C6: variants seen among roughly 807,000 people sequenced by gnomAD.
C6 encodes complement C6, also known as complement component C6.
A neutral mutation model predicts 112.9 loss-of-function variants in C6; 101 were observed. The observed-to-expected ratio is 0.89, with a 90% CI of 0.76 to 1.06. The LOEUF is 1.06. Among genes scored for constraint, C6 ranks in the 50% least tolerant of loss-of-function variants. The pLI is 0.00. For missense variants in C6, 1,202 were observed against 1,104.6 expected (o/e 1.09, Z -1.25); for synonymous variants, 431 against 384.1 (o/e 1.12, Z -1.43).
intron 3 of C6, among the ~76,000 whole-genome samples, chr5:41,201,089 G>A (rs1220246647): frequency 6.6e-6 from 1 of 151,730 alleles, no homozygotes; most frequent in Non-Finnish European, 1.5e-5. Context: ...ATTATCTTCA[G>A]GCTATATGTA....
In C6 at chr5:41,148,283, G is replaced by A. The variant is rs539581935; in HGVS notation, c.2623+958C>T. On this transcript the variant is annotated intron_variant, in intron 17 of 17. Coordinates refer to ENST00000337836, the MANE Select transcript of C6 (RefSeq NM_000065.5). ...TGCAGACATTGAGAATTATGTGGCC[G>A]AATAATATATGTTGACATGGAAACA... 6.6e-5 allele frequency among the ~76,000 whole-genome samples: 10 copies of A among 152,198 alleles called. No homozygotes were observed. The South Asian group carries it at 8.3e-4, about 13-fold the overall frequency.
intron 1 of C6, among the ~76,000 whole-genome samples, chr5:41,253,215 T>G (rs1741471413): frequency 6.6e-6 from 1 of 152,196 alleles, no homozygotes. Flanking sequence ...TTCTGGCTGG[T>G]AGGAATATAA....
chr5:41,167,235 G>GT (rs34582897), intron 9 of C6, among the ~76,000 whole-genome samples: 1 of 152,028 alleles, frequency 6.6e-6, no homozygotes, highest in African/African-American at 2.4e-5. Context: ...GAAGGCTAGG[G>GT]TTTTTAATGT....
rs6866352 is a variant in C6 at position 41,158,761 on chromosome 5, G to A, written c.1881C>T (p.Asp627=). 1 allele frequency: 1,598,021 copies of A among 1,598,182 alleles called. 798,931 individuals are homozygous for A. The highest frequency in any genetic ancestry group is 1 in the Middle Eastern group (6,032 of 6,032). Residue 627 remains aspartate (D), a synonymous_variant, in exon 13 of 18, where the codon GAC becomes GAT. Transcript: ENST00000337836. ...GAAGATCGACCTCTTTCATTTCTTC[G>A]TCATCATTGATACATGGTTGTCCAC... ...ENNGQPCIND[D]EEMKEVDLPE...
chr5:41,187,434 T>G (rs1445209210), intron 5 of C6, among the ~76,000 whole-genome samples: 2 of 152,146 alleles, frequency 1.3e-5, no homozygotes, highest in Non-Finnish European at 2.9e-5. Flanking sequence ...ATAGACTCAT[T>G]CATTTGTGAG....
At position 41,142,613 on chromosome 5, in the gene C6, G is replaced by T. The variant is rs555488091; in HGVS notation, c.*212C>A. On this transcript the variant is annotated 3_prime_UTR_variant, in exon 18 of 18. Coordinates refer to ENST00000337836, the MANE Select transcript of C6 (RefSeq NM_000065.5). The stretch of plus-strand genomic sequence containing the variant: ...CTGCTGTGGAAGTTGGTACCTAGGG[G>T]TATGCTACAGGGCGTCATGAGCTGG... 3.4e-6 allele frequency: 2 copies of T among 588,504 alleles called. No individual in the cohort carries two copies. The highest frequency in any genetic ancestry group is 5.5e-5 in the Admixed American group (2 of 36,058). The allele number at this position is 588,504 out of a possible 1,614,324, so 36.5% of individuals were successfully genotyped here.
At chr5:41,175,600 T>A (rs1028798468) in intron 8 of C6, among the ~76,000 whole-genome samples, 7 of 152,230 alleles carry the variant, frequency 4.6e-5, no homozygotes, top group Admixed American at 1.3e-4. Flanking sequence ...AGTTCTCAAC[T>A]GACCTGATCC....
intron 1 of C6, among the ~76,000 whole-genome samples, chr5:41,244,628 C>T (rs565753795): frequency 5.9e-5 from 9 of 152,328 alleles, no homozygotes; most frequent in African/African-American, 1.9e-4. Flanking sequence ...CCCTCCAGAA[C>T]TGTCAACCAC....
At chr5:41,251,193 T>C (rs2018900) in intron 1 of C6, among the ~76,000 whole-genome samples, 20,203 of 152,150 alleles carry the variant, frequency 0.13, 1,806 homozygotes, top group South Asian at 0.31. Flanking sequence ...TTGAATCAGG[T>C]TTACATGCAA....
At chr5:41,158,854 T>G (rs146901928) in intron 12 of C6, 69 bp from the exon 13 acceptor site, 15 of 1,034,126 alleles carry the variant, frequency 1.5e-5, no homozygotes, top group Non-Finnish European at 2.3e-5. Flanking sequence ...TGTATATGCT[T>G]ATGTGTATAC....
chr5:41,168,831 T>C (rs184704325), intron 9 of C6, among the ~76,000 whole-genome samples: 6 of 152,328 alleles, frequency 3.9e-5, no homozygotes, highest in African/African-American at 9.6e-5. Flanking sequence ...TGTGAACTTT[T>C]TGAAGTCCTC....
intron 13 of C6, among the ~76,000 whole-genome samples, chr5:41,156,917 AGACT>A (rs1412581775): frequency 1.3e-5 from 2 of 152,218 alleles, no homozygotes; most frequent in Non-Finnish European, 2.9e-5. Context: ...TACATCTAGT[AGACT>A]GACTAAACAA....
At chr5:41,219,950 T>C (rs1183929032) in intron 1 of C6, among the ~76,000 whole-genome samples, 2 of 152,128 alleles carry the variant, frequency 1.3e-5, no homozygotes, top group African/African-American at 4.8e-5. Context: ...CTACATATTA[T>C]CAGGAGTGTG....
chr5:41,223,900 G>A lies in C6; in HGVS notation c.-20-20650C>T, dbSNP rs556239451. Among the ~76,000 whole-genome samples the A allele has an allele frequency of 9.2e-5, 14 of 152,080 alleles. No homozygotes were observed. In the South Asian group the frequency reaches 2.1e-3, roughly 23 times the overall value. ...ATCATATCTATCTCTTTAATATAGA[G>A]AGCAGTGCCTAAATTTTCATTGTCA... On this transcript the variant is annotated intron_variant, in intron 1 of 17. Transcript: ENST00000263413.
At chr5:41,151,759 C>T (rs1360169353) in intron 15 of C6, among the ~76,000 whole-genome samples, 2 of 151,342 alleles carry the variant, frequency 1.3e-5, no homozygotes, top group Non-Finnish European at 2.9e-5. Context: ...GGGCAACAGC[C>T]AGAAATGTCG....
chr5:41,154,918 T>G, intron 14 of C6, 54 bp downstream of exon 14: 1 of 1,573,190 alleles, frequency 6.4e-7, no homozygotes, highest in East Asian at 2.2e-5. Context: ...GTTTTTATAT[T>G]GGGCACATTC....
intron 10 of C6, 44 bp downstream of exon 10, chr5:41,161,649 A>C: frequency 6.5e-7 from 1 of 1,528,966 alleles, no homozygotes; most frequent in Non-Finnish European, 9.1e-7. Flanking sequence ...GGGCTGCTAG[A>C]GAACTACTTT....
chr5:41,175,087 C>T (rs917388438), intron 8 of C6, among the ~76,000 whole-genome samples: 1 of 152,006 alleles, frequency 6.6e-6, no homozygotes, highest in African/African-American at 2.4e-5. Context: ...ACTCATATAC[C>T]CTTGACCTAA....
intron 1 of C6, among the ~76,000 whole-genome samples, chr5:41,210,130 T>A (rs966442760): frequency 6.6e-6 from 1 of 152,204 alleles, no homozygotes; most frequent in Non-Finnish European, 1.5e-5. Context: ...GATTCTTTAT[T>A]TAATAAATGG....
Sources: gnomAD v4.1 joint callset for allele counts (sites outside exome capture counted in the v4.1 genomes callset) on GRCh38, gnomAD v4.1.1 for gene constraint, MANE v1.5 for transcripts, NCBI Gene and HGNC (gene_info 2026-07-23, HGNC 2026-07-21) for gene names.